Variants in GBE1 observed in about 807,000 individuals in gnomAD.
The protein encoded by GBE1 is 1,4-alpha-glucan branching enzyme 1, also known as 1,4-alpha-glucan-branching enzyme.
In GBE1, 70 loss-of-function variants were observed where a neutral mutation model predicts 88.8. The ratio of observed to expected loss-of-function variants is 0.79; its 90% CI spans 0.65 to 0.96. GBE1 has a LOEUF of 0.96. Ranked by LOEUF, GBE1 falls within the 40% of genes least tolerant of loss-of-function variation. The probability of loss-of-function intolerance (pLI) is 0.00; values close to 1 mark genes in which losing one functional copy is unlikely to be tolerated. For missense variants in GBE1, 872 were observed against 871.0 expected (o/e 1.00, Z -0.01); for synonymous variants, 284 against 300.1 (o/e 0.95, Z 0.56).
intron 1 of GBE1, among the ~76,000 whole-genome samples, chr3:81,742,962 T>C (rs116230278): frequency 0.029 from 4,350 of 152,198 alleles, 224 homozygotes; most frequent in African/African-American, 0.095. Context: ...TAAATATTTC[T>C]AGATTCCTAA....
chr3:81,533,601 G>A lies in GBE1; in HGVS notation c.1934+1594C>T, dbSNP rs369149777. ...TGTCTGTTTTCTTCTTACTGTCAGA[G>A]TAAAATTCTGTCTGGGTGTCCACTT... On this transcript the variant is annotated intron_variant, in intron 14 of 15. Coordinates refer to ENST00000429644, the MANE Select transcript of GBE1 (RefSeq NM_000158.4). Among the ~76,000 whole-genome samples, 14 of 152,180 alleles carry A rather than the reference G, an allele frequency of 9.2e-5. No homozygotes were observed. In the South Asian group the frequency reaches 1.5e-3, roughly 16 times the overall value.
At chr3:81,547,225 C>A (rs370983797) in intron 12 of GBE1, among the ~76,000 whole-genome samples, 2 of 151,372 alleles carry the variant, frequency 1.3e-5, no homozygotes, top group African/African-American at 4.8e-5. Flanking sequence ...AAGGCAAGGA[C>A]GCTTGACTGA....
intron 14 of GBE1, among the ~76,000 whole-genome samples, chr3:81,520,007 A>G (rs1702851148): frequency 6.6e-6 from 1 of 151,554 alleles, no homozygotes; most frequent in South Asian, 2.1e-4. Flanking sequence ...ATACTCCAGG[A>G]ACAGAAAGAG....
At chr3:81,647,250 G>A (rs1450701708) in intron 5 of GBE1, among the ~76,000 whole-genome samples, 5 of 152,010 alleles carry the variant, frequency 3.3e-5, no homozygotes, top group South Asian at 2.1e-4. Flanking sequence ...GAGCCACCGC[G>A]CCCAGCCTGC....
chr3:81,494,906 T>C (rs1230336210), intron 15 of GBE1, among the ~76,000 whole-genome samples: 3 of 151,700 alleles, frequency 2.0e-5, no homozygotes, highest in South Asian at 4.2e-4. Context: ...TGTATTTTCC[T>C]CTAGGACTAA....
intron 7 of GBE1, among the ~76,000 whole-genome samples, chr3:81,619,952 A>T (rs1012030102): frequency 5.3e-5 from 8 of 152,046 alleles, no homozygotes; most frequent in African/African-American, 1.9e-4. Context: ...GTAGCATTAA[A>T]ATGTCATCAC....
At chr3:81,497,982 T>A (rs567438498) in intron 15 of GBE1, among the ~76,000 whole-genome samples, 1 of 152,296 alleles carries the variant, frequency 6.6e-6, no homozygotes, top group African/African-American at 2.4e-5. Context: ...CTCTTAAAAA[T>A]ATATATCTTT....
At chr3:81,725,738 T>A (rs1271741660) in intron 1 of GBE1, among the ~76,000 whole-genome samples, 1 of 152,236 alleles carries the variant, frequency 6.6e-6, no homozygotes, top group Non-Finnish European at 1.5e-5. Flanking sequence ...TTATTGGTGA[T>A]GTCACTATGT....
At chr3:81,580,006 C>A (rs1022836388) in intron 11 of GBE1, among the ~76,000 whole-genome samples, 1 of 152,016 alleles carries the variant, frequency 6.6e-6, no homozygotes, top group Non-Finnish European at 1.5e-5. Context: ...CCTTGATTAC[C>A]CAACCCCTGC....
intron 15 of GBE1, among the ~76,000 whole-genome samples, chr3:81,495,947 A>G (rs1702495302): frequency 6.6e-6 from 1 of 152,150 alleles, no homozygotes; most frequent in African/African-American, 2.4e-5. Context: ...CTTTATTCTC[A>G]TTTTCAGCAT....
chr3:81,644,667 A>G (rs1021384648), intron 6 of GBE1, among the ~76,000 whole-genome samples: 4 of 152,164 alleles, frequency 2.6e-5, no homozygotes, highest in African/African-American at 9.6e-5. Flanking sequence ...TTAAATGATT[A>G]CTCTGGCCAC....
chr3:81,742,624 G>C (rs1433882181), intron 1 of GBE1, among the ~76,000 whole-genome samples: 1 of 152,130 alleles, frequency 6.6e-6, no homozygotes, highest in African/African-American at 2.4e-5. Context: ...ATGAAGCCAG[G>C]AATGATAGAA....
chr3:81,501,686 CT>C (rs35149061), intron 14 of GBE1, among the ~76,000 whole-genome samples: 1,150 of 71,838 alleles, frequency 0.016, 4 homozygotes, highest in African/African-American at 0.03. Flanking sequence ...CTTAGGGGCA[CT>C]TTTTTTTTTT....
At chr3:81,666,675 C>A (rs1160285411) in intron 3 of GBE1, among the ~76,000 whole-genome samples, 1 of 152,058 alleles carries the variant, frequency 6.6e-6, no homozygotes, top group African/African-American at 2.4e-5. Context: ...TAAACTCAAC[C>A]AAAATGCCAT....
chr3:81,497,589 G>A (rs2106807517), intron 15 of GBE1, among the ~76,000 whole-genome samples: 1 of 152,276 alleles, frequency 6.6e-6, no homozygotes, highest in Non-Finnish European at 1.5e-5. Context: ...CCTGTGCCAT[G>A]GCGTTTTGTG....
intron 7 of GBE1, among the ~76,000 whole-genome samples, chr3:81,605,476 A>T (rs1704091152): frequency 6.6e-6 from 1 of 152,216 alleles, no homozygotes; most frequent in Non-Finnish European, 1.5e-5. Context: ...CTAAAGATAC[A>T]TGGAAACGCA....
chr3:81,688,183 C>T (rs994297973), intron 2 of GBE1, among the ~76,000 whole-genome samples: 3 of 152,226 alleles, frequency 2.0e-5, no homozygotes, highest in African/African-American at 7.2e-5. Context: ...CTGACTGGTG[C>T]ACCAATTAAG....
chr3:81,634,217 C>T (rs904983489), intron 7 of GBE1, among the ~76,000 whole-genome samples: 1 of 152,136 alleles, frequency 6.6e-6, no homozygotes, highest in African/African-American at 2.4e-5. Flanking sequence ...CCATGATATT[C>T]TATATTCTAG....
At chr3:81,607,742 T>C (rs1231713821) in intron 7 of GBE1, among the ~76,000 whole-genome samples, 1 of 152,194 alleles carries the variant, frequency 6.6e-6, no homozygotes, top group Non-Finnish European at 1.5e-5. Context: ...TTATTTGACC[T>C]TAGTCAAGTC....
Sources: allele counts gnomAD v4.1 joint callset (sites outside exome capture counted in the v4.1 genomes callset), GRCh38; gene constraint gnomAD v4.1.1; transcripts MANE v1.5; gene names NCBI Gene and HGNC (gene_info 2026-07-23, HGNC 2026-07-21).